TENM2: variants seen among roughly 807,000 people sequenced by gnomAD.
TENM2 encodes the protein teneurin transmembrane protein 2.
A neutral mutation model predicts 245.2 loss-of-function variants in TENM2; 52 were observed. The ratio of observed to expected loss-of-function variants is 0.21; its 90% CI spans 0.17 to 0.27. The LOEUF is 0.27. Among genes scored for constraint, TENM2 ranks in the 10% least tolerant of loss-of-function variants. The pLI, the probability that TENM2 is intolerant of heterozygous loss-of-function variation, is 1.00. For missense variants in TENM2, 3,046 were observed against 3,666.8 expected, an observed-to-expected ratio of 0.83 and a Z score of 4.37; for synonymous variants, 1,363 against 1,438.9, an observed-to-expected ratio of 0.95 and a Z score of 1.19.
chr5:168,082,298 T>A (rs1792074960), intron 7 of TENM2, among the ~76,000 whole-genome samples: 1 of 152,238 alleles, frequency 6.6e-6, no homozygotes, highest in Non-Finnish European at 1.5e-5. Flanking sequence ...TTTAAGGTCT[T>A]CTCTATGCTG....
At chr5:167,426,187 T>C (rs763128917) in intron 2 of TENM2, among the ~76,000 whole-genome samples, 8 of 152,180 alleles carry the variant, frequency 5.3e-5, no homozygotes, top group Non-Finnish European at 8.8e-5. Flanking sequence ...AAATACATTT[T>C]AAAAGTTTTT....
chr5:167,134,175 A>G, the TENM2 span, among the ~76,000 whole-genome samples: 6 of 152,252 alleles, frequency 3.9e-5, no homozygotes, highest in Non-Finnish European at 5.9e-5. Context: ...TTAAAAGTCA[A>G]AAAAAGAAAC....
At chr5:168,094,048 C>T (rs1241069772) in intron 8 of TENM2, among the ~76,000 whole-genome samples, 1 of 140,488 alleles carries the variant, frequency 7.1e-6, no homozygotes, top group African/African-American at 2.6e-5. Flanking sequence ...CACATAAGCA[C>T]ACTTCAGCAA....
chr5:167,071,876 T>TCA, the TENM2 span, among the ~76,000 whole-genome samples: 3 of 112,670 alleles, frequency 2.7e-5, no homozygotes, highest in South Asian at 8.9e-4. Flanking sequence ...TTTTGACAAA[T>TCA]CGCCCCCCCC....
chr5:167,993,988 A>G (rs1008790552), intron 5 of TENM2, among the ~76,000 whole-genome samples: 1 of 152,276 alleles, frequency 6.6e-6, no homozygotes, highest in Non-Finnish European at 1.5e-5. Context: ...TGCCACGTGC[A>G]TAAGAGCTTC....
intron 2 of TENM2, among the ~76,000 whole-genome samples, chr5:167,744,485 A>T (rs1260092776): frequency 6.6e-6 from 1 of 152,206 alleles, no homozygotes; most frequent in African/African-American, 2.4e-5. Flanking sequence ...AGAAGTGACA[A>T]GTTCTCCCTT....
intron 2 of TENM2, among the ~76,000 whole-genome samples, chr5:167,659,517 A>C (rs1371942859): frequency 6.6e-6 from 1 of 152,218 alleles, no homozygotes; most frequent in Non-Finnish European, 1.5e-5. Flanking sequence ...ATTTATCCAC[A>C]TTTTATTGAT....
chr5:167,732,387 G>T (rs1760498051), intron 2 of TENM2, among the ~76,000 whole-genome samples: 1 of 152,186 alleles, frequency 6.6e-6, no homozygotes, highest in South Asian at 2.1e-4. Flanking sequence ...GCTTTGGAAA[G>T]TGTAAAATTT....
the TENM2 span, among the ~76,000 whole-genome samples, chr5:167,198,202 G>C: frequency 6.6e-6 from 1 of 152,054 alleles, no homozygotes; most frequent in Admixed American, 6.6e-5. Flanking sequence ...CTCAATTCCT[G>C]TCAATTGCAA....
chr5:168,045,806 C>CTA (rs1788559684), intron 5 of TENM2, among the ~76,000 whole-genome samples: 2 of 152,146 alleles, frequency 1.3e-5, no homozygotes, highest in African/African-American at 4.8e-5. Context: ...CTTGAAGCCA[C>CTA]CATGATTAGT....
At chr5:168,194,896 T>G (rs1180524799) in intron 14 of TENM2, among the ~76,000 whole-genome samples, 1 of 152,016 alleles carries the variant, frequency 6.6e-6, no homozygotes, top group Non-Finnish European at 1.5e-5. Flanking sequence ...AGCCTGAAGC[T>G]CAGGCCAAAC....
At chr5:167,991,784 G>A (rs149193009) in intron 4 of TENM2, among the ~76,000 whole-genome samples, 247 of 152,276 alleles carry the variant, frequency 1.6e-3, no homozygotes, top group African/African-American at 5.5e-3. Context: ...AGGATTTCAC[G>A]GGAGGTGAAA....
chr5:167,974,017 G>GAGGGAGGAGGGA (rs1554163718), intron 4 of TENM2, among the ~76,000 whole-genome samples: 9 of 75,872 alleles, frequency 1.2e-4, no homozygotes, highest in South Asian at 7.9e-4. Flanking sequence ...GGGAGGGAGG[G>GAGGGAGGAGGGA]AGGGAGGAAG....
chr5:166,979,035 G>C, the TENM2 span, among the ~76,000 whole-genome samples: 5 of 151,958 alleles, frequency 3.3e-5, no homozygotes, highest in Admixed American at 3.3e-4. Context: ...GTGTGTGCGC[G>C]CGAGAGCTCG....
the TENM2 span, among the ~76,000 whole-genome samples, chr5:167,057,025 T>A: frequency 6.6e-6 from 1 of 152,106 alleles, no homozygotes; most frequent in South Asian, 2.1e-4. Context: ...TTTTTTTCCA[T>A]GTGCTGTTCT....
intron 4 of TENM2, among the ~76,000 whole-genome samples, chr5:167,962,444 G>A (rs1015239657): frequency 2.0e-5 from 3 of 152,186 alleles, no homozygotes; most frequent in African/African-American, 7.2e-5. Flanking sequence ...TCATGGAACT[G>A]AGCACATAGA....
chr5:167,074,774 C>T, the TENM2 span, among the ~76,000 whole-genome samples: 3 of 152,080 alleles, frequency 2.0e-5, no homozygotes, highest in Non-Finnish European at 2.9e-5. Flanking sequence ...AGGGTGGTAG[C>T]GGTTCTGTTA....
intron 2 of TENM2, among the ~76,000 whole-genome samples, chr5:167,684,721 G>A (rs1380171083): frequency 6.6e-6 from 1 of 152,152 alleles, no homozygotes; most frequent in Non-Finnish European, 1.5e-5. Context: ...AGTCGTATTT[G>A]TTGTAATGTT....
At chr5:168,207,317 C>A (rs1321740767) in intron 19 of TENM2, among the ~76,000 whole-genome samples, 1 of 152,162 alleles carries the variant, frequency 6.6e-6, no homozygotes, top group Non-Finnish European at 1.5e-5. Context: ...GAGTTGGTCC[C>A]TGGTTCCACG....
Sources: allele counts gnomAD v4.1 joint callset (sites outside exome capture counted in the v4.1 genomes callset), GRCh38; gene constraint gnomAD v4.1.1; transcripts MANE v1.5; gene names NCBI Gene and HGNC (gene_info 2026-07-23, HGNC 2026-07-21).